Variants in PARD3 observed in about 807,000 individuals in gnomAD.
PARD3 encodes the protein partitioning defective 3 homolog.
A neutral mutation model predicts 155.4 loss-of-function variants in PARD3; 75 were observed. That is an observed-to-expected ratio of 0.48 (90% CI 0.40 to 0.58). The LOEUF is 0.58. Ranked by LOEUF, PARD3 falls within the 20% of genes least tolerant of loss-of-function variation. The probability of loss-of-function intolerance (pLI) is 0.00; values close to 1 mark genes in which losing one functional copy is unlikely to be tolerated. For synonymous variants in PARD3, 576 were observed against 610.5 expected, an observed-to-expected ratio of 0.94 and a Z score of 0.83; for missense variants, 1,642 against 1,721.7, an observed-to-expected ratio of 0.95 and a Z score of 0.82.
chr10:34,732,896 A>G (rs957619148), intron 1 of PARD3, among the ~76,000 whole-genome samples: 2 of 152,146 alleles, frequency 1.3e-5, no homozygotes, highest in African/African-American at 4.8e-5. Flanking sequence ...AACATACTGG[A>G]AGGCCACTAC....
chr10:34,500,584 T>C (rs982581971), intron 3 of PARD3, among the ~76,000 whole-genome samples: 1 of 151,972 alleles, frequency 6.6e-6, no homozygotes, highest in Admixed American at 6.6e-5. Context: ...TCTACAAAAA[T>C]ACAAAAATTA....
intron 2 of PARD3, among the ~76,000 whole-genome samples, chr10:34,624,973 G>A (rs1054364953): frequency 3.9e-5 from 6 of 152,208 alleles, no homozygotes; most frequent in African/African-American, 7.2e-5. Flanking sequence ...GCCCTGGGCT[G>A]CAAAGACATA....
chr10:34,125,071 C>CTTTCTTTCTTTTTT lies in PARD3; in HGVS notation c.3541-5332_3541-5331insAAAAAAGAAAGAAA, dbSNP rs1554790399. Reference sequence around the variant, plus strand: ...GGCTTATCTCCAGGTCTATTTCTTTCTTTTTTTTTTTTTGAGACGGAGTCT... The same window carrying CTTTCTTTCTTTTTT: ...GGCTTATCTCCAGGTCTATTTCTTTCTTTCTTTCTTTTTTTTTTTTTTTTTTTGAGACGGAGTCT... On this transcript the variant is annotated intron_variant, in intron 23 of 24. Coordinates refer to ENST00000374788, the MANE Select transcript of PARD3 (RefSeq NM_001184785.2). Among the ~76,000 whole-genome samples the CTTTCTTTCTTTTTT allele has an allele frequency of 9.1e-4, 128 of 140,644 alleles. 2 individuals are homozygous for CTTTCTTTCTTTTTT. Among genetic ancestry groups the CTTTCTTTCTTTTTT allele is most frequent in the Middle Eastern group, 7.3e-3 (2 of 274 alleles). The allele number at this position is 140,644 out of a possible 152,430, so 92.3% of individuals were successfully genotyped here.
At chr10:34,599,990 A>G (rs1027929768) in intron 2 of PARD3, among the ~76,000 whole-genome samples, 13 of 152,072 alleles carry the variant, frequency 8.5e-5, no homozygotes, top group Admixed American at 7.9e-4. Context: ...TGCTACTGTC[A>G]CCATATTTGA....
intron 24 of PARD3, among the ~76,000 whole-genome samples, chr10:34,117,349 C>T (rs1029498504): frequency 2.0e-5 from 3 of 152,210 alleles, no homozygotes; most frequent in Admixed American, 6.5e-5. Flanking sequence ...CCCGTGTGGT[C>T]GTGCAGGGAG....
intron 20 of PARD3, among the ~76,000 whole-genome samples, chr10:34,316,064 T>C (rs1009843409): frequency 6.6e-6 from 1 of 152,196 alleles, no homozygotes; most frequent in Non-Finnish European, 1.5e-5. Context: ...AATTTCAGGA[T>C]TGTAAATCAA....
At chr10:34,280,582 C>G (rs891812459) in intron 21 of PARD3, among the ~76,000 whole-genome samples, 1 of 152,130 alleles carries the variant, frequency 6.6e-6, no homozygotes, top group Non-Finnish European at 1.5e-5. Flanking sequence ...AAAACAGAAG[C>G]CAGAAAGTAG....
At chr10:34,736,038 T>C (rs533097018) in intron 1 of PARD3, among the ~76,000 whole-genome samples, 1 of 152,260 alleles carries the variant, frequency 6.6e-6, no homozygotes, top group East Asian at 1.9e-4. Flanking sequence ...ACTTTTTTTT[T>C]TCTTTCTTTT....
At chr10:34,554,653 A>G (rs1352468278) in intron 2 of PARD3, among the ~76,000 whole-genome samples, 1 of 152,232 alleles carries the variant, frequency 6.6e-6, no homozygotes, top group Non-Finnish European at 1.5e-5. Context: ...GAAACTTAAT[A>G]CTAGTTACAA....
At chr10:34,393,215 T>C (rs1356446568) in intron 7 of PARD3, among the ~76,000 whole-genome samples, 1 of 148,802 alleles carries the variant, frequency 6.7e-6, no homozygotes, top group Non-Finnish European at 1.5e-5. Context: ...GGAAAAGTAA[T>C]GTGAAACAAA....
intron 2 of PARD3, among the ~76,000 whole-genome samples, chr10:34,695,719 G>A (rs2094157203): frequency 6.6e-6 from 1 of 152,156 alleles, no homozygotes; most frequent in Non-Finnish European, 1.5e-5. Context: ...GAGCATCAGA[G>A]CACTGATGGA....
intron 2 of PARD3, among the ~76,000 whole-genome samples, chr10:34,532,269 A>C (rs529545841): frequency 1.8e-4 from 27 of 152,224 alleles, no homozygotes; most frequent in African/African-American, 6.5e-4. Context: ...CTCGCTACAT[A>C]GTTCATCTAA....
intron 1 of PARD3, among the ~76,000 whole-genome samples, chr10:34,736,231 C>T (rs2094911579): frequency 6.6e-6 from 1 of 151,886 alleles, no homozygotes; most frequent in Non-Finnish European, 1.5e-5. Flanking sequence ...AGGGTTTCAC[C>T]GTGTTAGCCA....
intron 3 of PARD3, among the ~76,000 whole-genome samples, chr10:34,483,498 A>AT (rs544580537): frequency 1.4e-5 from 2 of 140,802 alleles, no homozygotes; most frequent in African/African-American, 5.8e-5. Context: ...AAAAAAAAAA[A>AT]AGAGAGAGAA....
At chr10:34,594,519 C>T (rs1021006442) in intron 2 of PARD3, among the ~76,000 whole-genome samples, 2 of 151,592 alleles carry the variant, frequency 1.3e-5, no homozygotes, top group Admixed American at 6.6e-5. Context: ...GACCAGAAAA[C>T]CTCAAGAATG....
Position 34,359,955 on chromosome 10 carries a change from G to A in PARD3, c.1896+116C>T, listed in dbSNP as rs78468914. The A allele has an allele frequency of 7.9e-3, 5,777 of 732,588 alleles. 238 individuals carry two copies. The African/African-American group carries it at 0.09, about 11-fold the overall frequency. The allele number at this position is 732,588 out of a possible 1,614,324, so 45.4% of individuals were successfully genotyped here. ...CACCTAGTTGTTTAAATGTGAATGT[G>A]GGTACCATAAAGAAATGAGAAAACT... On this transcript the variant is annotated intron_variant, in intron 13 of 24. Coordinates refer to ENST00000374788, the MANE Select transcript of PARD3 (RefSeq NM_001184785.2).
chr10:34,597,949 T>C (rs2089444785), intron 2 of PARD3, among the ~76,000 whole-genome samples: 1 of 152,194 alleles, frequency 6.6e-6, no homozygotes, highest in Non-Finnish European at 1.5e-5. Flanking sequence ...GATTCTGAAG[T>C]AGTGGCTTTC....
rs553896007 is a variant in PARD3, at chr10:34,462,497, A to G, written c.582+7588T>C. Among the ~76,000 whole-genome samples, 3 of 152,350 alleles carry G rather than the reference A, an allele frequency of 2.0e-5. No homozygotes were observed. The East Asian group carries it at 5.8e-4, about 29-fold the overall frequency. Reference sequence around the variant, plus strand: ...AAATAGTGTTTTCAAATTTACTAATATGACAGTTGGCCTTGTAAATTAGAA... The same window carrying G: ...AAATAGTGTTTTCAAATTTACTAATGTGACAGTTGGCCTTGTAAATTAGAA... On this transcript the variant is annotated intron_variant, in intron 4 of 24. Coordinates refer to ENST00000374788, the MANE Select transcript of PARD3 (RefSeq NM_001184785.2).
At chr10:34,231,064 C>T (rs1057507552) in intron 22 of PARD3, among the ~76,000 whole-genome samples, 4 of 151,804 alleles carry the variant, frequency 2.6e-5, no homozygotes, top group Non-Finnish European at 5.9e-5. Context: ...CAGGTTACTC[C>T]AGTTGTATCC....
Sources: gnomAD v4.1 joint callset for allele counts (sites outside exome capture counted in the v4.1 genomes callset) on GRCh38, gnomAD v4.1.1 for gene constraint, MANE v1.5 for transcripts, NCBI Gene and HGNC (gene_info 2026-07-23, HGNC 2026-07-21) for gene names.